Variants in KCNQ5 observed in about 807,000 individuals in gnomAD.
The protein encoded by KCNQ5 is potassium voltage-gated channel subfamily Q member 5.
In KCNQ5, 30 loss-of-function variants were observed where a neutral mutation model predicts 98.2. The ratio of observed to expected loss-of-function variants is 0.31; its 90% CI spans 0.23 to 0.41. The LOEUF (loss-of-function observed/expected upper bound fraction) is 0.41. Among genes scored for constraint, KCNQ5 ranks in the 10% least tolerant of loss-of-function variants. The pLI, the probability that KCNQ5 is intolerant of heterozygous loss-of-function variation, is 1.00. For synonymous variants in KCNQ5, 458 were observed against 449.4 expected (o/e 1.02, Z -0.24); for missense variants, 835 against 1,182.5 (o/e 0.71, Z 4.31).
At chr6:73,165,556 C>G (rs1777761698) in intron 10 of KCNQ5, among the ~76,000 whole-genome samples, 1 of 152,180 alleles carries the variant, frequency 6.6e-6, no homozygotes, top group Non-Finnish European at 1.5e-5. Context: ...CAAATCTCCT[C>G]TGGATTTGAT....
At chr6:72,855,892 T>G (rs1217018990) in intron 1 of KCNQ5, among the ~76,000 whole-genome samples, 1 of 152,222 alleles carries the variant, frequency 6.6e-6, no homozygotes, top group Non-Finnish European at 1.5e-5. Flanking sequence ...GAATTTATCT[T>G]AAGACTTAAT....
chr6:72,685,415 A>C (rs1336672371), intron 1 of KCNQ5, among the ~76,000 whole-genome samples: 1 of 152,248 alleles, frequency 6.6e-6, no homozygotes, highest in Non-Finnish European at 1.5e-5. Context: ...ATATACATGC[A>C]TATAATACAA....
chr6:72,966,983 G>T (rs1258912060), intron 1 of KCNQ5, among the ~76,000 whole-genome samples: 2 of 152,160 alleles, frequency 1.3e-5, no homozygotes, highest in East Asian at 3.8e-4. Flanking sequence ...AGAAGTCAGA[G>T]GAAGATATAG....
At chr6:72,748,655 C>T (rs543842471) in intron 1 of KCNQ5, among the ~76,000 whole-genome samples, 10 of 152,126 alleles carry the variant, frequency 6.6e-5, no homozygotes, top group Non-Finnish European at 1.5e-4. Flanking sequence ...CGTTTAATAA[C>T]TACTTTGAGT....
At chr6:73,096,933 C>T (rs1007273846) in intron 5 of KCNQ5, among the ~76,000 whole-genome samples, 1 of 151,976 alleles carries the variant, frequency 6.6e-6, no homozygotes, top group South Asian at 2.1e-4. Flanking sequence ...ATCCCAGCTA[C>T]TCAAGAGGCT....
chr6:73,044,308 G>C (rs2153840), intron 3 of KCNQ5, among the ~76,000 whole-genome samples: 104,135 of 152,098 alleles, frequency 0.68, 40,355 homozygotes, highest in Non-Finnish European at 0.88. Flanking sequence ...ACATGGTTTA[G>C]GCATAATTGC....
Position 73,194,798 on chromosome 6 carries a change from C to T in KCNQ5, c.2183C>T (p.Ala728Val). 1 of 1,614,232 alleles carries T rather than the reference C, an allele frequency of 6.2e-7. No homozygotes were observed. The highest frequency in any genetic ancestry group is 8.5e-7 in the Non-Finnish European group (1 of 1,180,046). ...CAAAGCGATGGCTCAGCAGTGGCAG[C>T]CACCAACACCATTGCAAACCAAATA... ...ISQSDGSAVA[A>V]TNTIANQINT... Residue 728 changes from alanine (A) to valine (V), a missense_variant, in exon 14 of 14, where the codon GCC becomes GTC. This residue lies in a region of KCNQ5 where 416 missense variants were observed against 446.9 expected (regional missense o/e 0.93). Coordinates refer to ENST00000370398, the MANE Select transcript of KCNQ5 (RefSeq NM_019842.4).
At chr6:72,975,467 GGCTTTCA>G (rs1427148212) in intron 1 of KCNQ5, among the ~76,000 whole-genome samples, 3 of 152,102 alleles carry the variant, frequency 2.0e-5, no homozygotes, top group Non-Finnish European at 4.4e-5. Context: ...CACTGATGCT[GGCTTTCA>G]GCTTTCTTTT....
In KCNQ5 at chr6:73,194,616, G is replaced by A. The variant is rs768980780; in HGVS notation, c.2001G>A (p.Ser667=). The part of the protein sequence containing the change: ...YQSPVDSKDL[S]GSAQNSGCLS... Reference sequence around the variant, plus strand: ...GCCCTGTGGATAGCAAAGATCTTTCGGGTTCCGCACAAAACAGTGGCTGCT... The same window carrying A: ...GCCCTGTGGATAGCAAAGATCTTTCAGGTTCCGCACAAAACAGTGGCTGCT... Residue 667 remains serine, a synonymous_variant, in exon 14 of 14, where the codon TCG becomes TCA. Coordinates refer to ENST00000370398, the MANE Select transcript of KCNQ5 (RefSeq NM_019842.4). 1.5e-5 allele frequency: 24 copies of A among 1,614,166 alleles called. No individual in the cohort carries two copies. The highest frequency in any genetic ancestry group is 8.9e-5 in the East Asian group (4 of 44,878).
chr6:73,037,947 C>A (rs535895898), intron 2 of KCNQ5, among the ~76,000 whole-genome samples: 4 of 152,054 alleles, frequency 2.6e-5, no homozygotes, highest in Non-Finnish European at 5.9e-5. Context: ...TTTTATTAGA[C>A]CTGTAGATCA....
intron 1 of KCNQ5, among the ~76,000 whole-genome samples, chr6:72,671,895 C>G (rs563831553): frequency 7.2e-5 from 11 of 151,960 alleles, no homozygotes; most frequent in African/African-American, 2.7e-4. Flanking sequence ...CGGCTCACTG[C>G]GAGCTCCACC....
intron 5 of KCNQ5, among the ~76,000 whole-genome samples, chr6:73,095,323 A>C (rs562229196): frequency 2.6e-5 from 4 of 151,880 alleles, no homozygotes; most frequent in African/African-American, 7.3e-5. Context: ...TTCTCCCTTC[A>C]CTTCTTGTAT....
chr6:72,974,424 A>G (rs1768056682), intron 1 of KCNQ5, among the ~76,000 whole-genome samples: 1 of 151,176 alleles, frequency 6.6e-6, no homozygotes, highest in South Asian at 2.1e-4. Flanking sequence ...TATGGCAAGA[A>G]GTGGAAAATA....
chr6:73,179,058 C>A (rs892081001), intron 11 of KCNQ5, among the ~76,000 whole-genome samples: 1 of 151,946 alleles, frequency 6.6e-6, no homozygotes, highest in African/African-American at 2.4e-5. Context: ...CCTTGGGGTC[C>A]GTGCTTTTAA....
intron 10 of KCNQ5, among the ~76,000 whole-genome samples, chr6:73,168,599 G>A (rs150850795): frequency 2.1e-3 from 315 of 152,112 alleles, no homozygotes; most frequent in African/African-American, 7.3e-3. Flanking sequence ...GCTACTTGCG[G>A]GGCTGAGGCA....
chr6:73,148,856 C>T (rs1400214487), intron 10 of KCNQ5, among the ~76,000 whole-genome samples: 5 of 150,958 alleles, frequency 3.3e-5, no homozygotes, highest in African/African-American at 4.9e-5. Context: ...ACTCATGTTA[C>T]GTAGAAATGC....
chr6:73,179,946 C>T (rs967484279), intron 11 of KCNQ5, among the ~76,000 whole-genome samples: 4 of 152,302 alleles, frequency 2.6e-5, no homozygotes, highest in Middle Eastern at 6.8e-3. Context: ...TGCTGTATCC[C>T]TGGCATCTAG....
chr6:72,700,298 T>C (rs894364389), intron 1 of KCNQ5, among the ~76,000 whole-genome samples: 5 of 121,672 alleles, frequency 4.1e-5, no homozygotes, highest in African/African-American at 1.9e-4. Context: ...TCTATATCTA[T>C]CTATCTATCT....
chr6:73,021,151 T>C (rs1374963609), intron 2 of KCNQ5, among the ~76,000 whole-genome samples: 3 of 152,202 alleles, frequency 2.0e-5, no homozygotes, highest in African/African-American at 7.2e-5. Context: ...TCCCTACCCT[T>C]GTGTTCTGGG....
Sources: allele counts gnomAD v4.1 joint callset (sites outside exome capture counted in the v4.1 genomes callset), GRCh38; gene constraint gnomAD v4.1.1; regional missense constraint gnomAD v4.1.1; transcripts MANE v1.5; gene names NCBI Gene and HGNC (gene_info 2026-07-23, HGNC 2026-07-21).